PCBP3: variants seen among roughly 807,000 people sequenced by gnomAD.
PCBP3 encodes the protein poly(rC)-binding protein 3.
PCBP3 carries 25 observed loss-of-function variants against 52.7 expected under a neutral mutation model. The ratio of observed to expected loss-of-function variants is 0.47; its 90% confidence interval spans 0.35 to 0.66. The LOEUF (loss-of-function observed/expected upper bound fraction) is 0.66. Among genes scored for constraint, PCBP3 ranks in the 30% least tolerant of loss-of-function variants. PCBP3 has a pLI of 0.01. For synonymous variants in PCBP3, 162 were observed against 183.0 expected, an observed-to-expected ratio of 0.89 and a Z score of 0.93; for missense variants, 391 against 490.3, an observed-to-expected ratio of 0.80 and a Z score of 1.91.
intron 2 of PCBP3, among the ~76,000 whole-genome samples, chr21:45,685,340 A>G (rs1202913073): frequency 5.9e-5 from 9 of 152,194 alleles, no homozygotes; most frequent in Non-Finnish European, 1.2e-4. Flanking sequence ...ATAGTTGCAC[A>G]AAAGTGTGAA....
chr21:45,712,890 G>A lies in PCBP3; in HGVS notation c.-199-22502G>A, dbSNP rs114106404. ...AGCTAATTAAAGAAAATTATTTGTA[G>A]AGGTGTGGTCTCACTGTGTTGCCCA... On this transcript the variant is annotated intron_variant, in intron 2 of 17. Coordinates refer to ENST00000681687, the MANE Select transcript of PCBP3 (RefSeq NM_001384156.1). 4.3e-3 allele frequency among the ~76,000 whole-genome samples: 649 copies of A among 152,168 alleles called. 6 individuals are homozygous for A. Among genetic ancestry groups the A allele is most frequent in the African/African-American group, 0.015 (620 of 41,520 alleles).
At chr21:45,882,496 T>C (rs2095427094) in intron 5 of PCBP3, among the ~76,000 whole-genome samples, 1 of 152,220 alleles carries the variant, frequency 6.6e-6, no homozygotes. Flanking sequence ...TTCACTCTGT[T>C]GTTTGCTGTG....
intron 13 of PCBP3, among the ~76,000 whole-genome samples, chr21:45,923,301 ACT>A (rs1325307579): frequency 1.1e-4 from 17 of 152,140 alleles, no homozygotes; most frequent in African/African-American, 3.4e-4. Context: ...AGCCTCTCTC[ACT>A]CTGAAGCCTG....
At chr21:45,935,878 G>A (rs187875393) in intron 16 of PCBP3, among the ~76,000 whole-genome samples, 175 of 152,356 alleles carry the variant, frequency 1.1e-3, no homozygotes, top group Non-Finnish European at 2.2e-3. Flanking sequence ...GAGTAAGCAC[G>A]GGTCTTGAGG....
chr21:45,692,110 G>T (rs1173578936), intron 2 of PCBP3, among the ~76,000 whole-genome samples: 1 of 152,244 alleles, frequency 6.6e-6, no homozygotes, highest in Admixed American at 6.5e-5. Flanking sequence ...GCTTTAACTG[G>T]CTGAACTTTC....
chr21:45,848,811 C>T (rs1232660497), intron 4 of PCBP3, among the ~76,000 whole-genome samples: 2 of 152,190 alleles, frequency 1.3e-5, no homozygotes, highest in Non-Finnish European at 2.9e-5. Context: ...GCCCACACCC[C>T]GTTTTCCTCT....
chr21:45,852,010 C>T (rs887268127), intron 5 of PCBP3, among the ~76,000 whole-genome samples: 3 of 152,166 alleles, frequency 2.0e-5, no homozygotes, highest in African/African-American at 7.2e-5. Flanking sequence ...TAAAGTTAGA[C>T]AGGAGGAGTA....
At chr21:45,807,123 G>T (rs2092530862) in intron 4 of PCBP3, among the ~76,000 whole-genome samples, 1 of 152,134 alleles carries the variant, frequency 6.6e-6, no homozygotes, top group Non-Finnish European at 1.5e-5. Context: ...TTTGAAAACT[G>T]GCACAAGACA....
At chr21:45,898,833 C>A (rs1426859944) in intron 6 of PCBP3, among the ~76,000 whole-genome samples, 1 of 143,312 alleles carries the variant, frequency 7.0e-6, no homozygotes, top group African/African-American at 2.7e-5. Context: ...CTCTGCACGC[C>A]GTCCTCACGG....
intron 4 of PCBP3, among the ~76,000 whole-genome samples, chr21:45,812,586 C>T (rs2092713712): frequency 6.6e-6 from 1 of 152,156 alleles, no homozygotes; most frequent in South Asian, 2.1e-4. Flanking sequence ...ATTTTTAGTA[C>T]AAACCGGGTT....
chr21:45,834,376 C>T (rs540522883), intron 4 of PCBP3, among the ~76,000 whole-genome samples: 1 of 152,268 alleles, frequency 6.6e-6, no homozygotes, highest in African/African-American at 2.4e-5. Flanking sequence ...AGAGGCTGAC[C>T]GAAATTTGTG....
rs1168054154 is a variant in PCBP3 at position 45,685,915 on chromosome 21, CTT to C, written c.-200+16983_-200+16984del. ...CAAAACAAAAAGCCTGTAAGATGAA[CTT>C]TTTTTTTTTTTTTTTTTTTGAGATG... On this transcript the variant is annotated intron_variant, in intron 2 of 17. Coordinates refer to ENST00000681687, the MANE Select transcript of PCBP3 (RefSeq NM_001384156.1). 7.5e-3 allele frequency among the ~76,000 whole-genome samples: 938 copies of C among 125,380 alleles called. 10 individuals are homozygous for C. The highest frequency in any genetic ancestry group is 0.027 in the East Asian group (118 of 4,418). The allele number at this position is 125,380 out of a possible 152,430, so 82.3% of individuals were successfully genotyped here. A position where few individuals can be genotyped will look rare whatever the true frequency, so the allele number is the denominator to read the frequency against.
At chr21:45,927,134 C>G (rs2075518111) in intron 13 of PCBP3, among the ~76,000 whole-genome samples, 1 of 151,986 alleles carries the variant, frequency 6.6e-6, no homozygotes, top group African/African-American at 2.4e-5. Flanking sequence ...ATTTTGTGAT[C>G]ATTCATTGAG....
chr21:45,843,266 G>A (rs1216690045), intron 4 of PCBP3, among the ~76,000 whole-genome samples: 1 of 150,160 alleles, frequency 6.7e-6, no homozygotes, highest in Non-Finnish European at 1.5e-5. Context: ...AGAAGGCATG[G>A]CTTCCTTTAC....
chr21:45,670,989 A>C (rs1231759188), intron 2 of PCBP3, among the ~76,000 whole-genome samples: 1 of 152,166 alleles, frequency 6.6e-6, no homozygotes, highest in Non-Finnish European at 1.5e-5. Flanking sequence ...GAGAGAGCAC[A>C]CATGGAGAAG....
intron 4 of PCBP3, among the ~76,000 whole-genome samples, chr21:45,849,262 G>T (rs966173551): frequency 6.8e-6 from 1 of 147,780 alleles, no homozygotes; most frequent in Non-Finnish European, 1.5e-5. Flanking sequence ...CTGCAGTGCA[G>T]TGGCGCAATC....
At chr21:45,679,340 C>T (rs760202923) in intron 2 of PCBP3, among the ~76,000 whole-genome samples, 4 of 152,046 alleles carry the variant, frequency 2.6e-5, no homozygotes, top group Non-Finnish European at 5.9e-5. Context: ...AGGCTGGTCT[C>T]GAACTTCTGA....
intron 12 of PCBP3, chr21:45,916,830 G>A (rs986896567): frequency 5.9e-5 from 9 of 152,320 alleles, no homozygotes; most frequent in African/African-American, 1.9e-4. Context: ...TTTGTTGTCT[G>A]GCCATGAGTT....
chr21:45,827,595 G>A lies in PCBP3; in HGVS notation c.-125-22366G>A, dbSNP rs773363933. Among the ~76,000 whole-genome samples, 23 of 152,168 alleles carry A rather than the reference G, an allele frequency of 1.5e-4. No homozygotes were observed. The highest frequency in any genetic ancestry group is 5.2e-4 in the Admixed American group (8 of 15,286). The stretch of plus-strand genomic sequence containing the variant: ...GCGAAGACGGAGGGCCAACCAAGTC[G>A]AGGTTTCAGAACTGAAAGTACAGCC... On this transcript the variant is annotated intron_variant, in intron 4 of 17. Transcript: ENST00000681687. The surrounding 1 kb of genome is among the most constrained non-coding windows in gnomAD (Gnocchi z 4.3).
Sources: gnomAD v4.1 joint callset for allele counts (sites outside exome capture counted in the v4.1 genomes callset) on GRCh38, gnomAD v4.1.1 for gene constraint, Gnocchi (gnomAD v3.1) non-coding constraint, MANE v1.5 for transcripts, NCBI Gene and HGNC (gene_info 2026-07-23, HGNC 2026-07-21) for gene names.